The following WWP1 variants were observed in gnomAD, a reference collection of about 807,000 sequenced individuals.
The protein encoded by WWP1 is NEDD4-like E3 ubiquitin-protein ligase WWP1.
A neutral mutation model predicts 130.6 loss-of-function variants in WWP1; 49 were observed. That is an observed-to-expected ratio of 0.38 (90% CI 0.30 to 0.48). WWP1 has a LOEUF of 0.48. Ranked by LOEUF, WWP1 falls within the 20% of genes least tolerant of loss-of-function variation. The probability of loss-of-function intolerance (pLI) is 0.99; values close to 1 mark genes in which losing one functional copy is unlikely to be tolerated. For synonymous variants in WWP1, 332 were observed against 367.8 expected (o/e 0.90, Z 1.11); for missense variants, 809 against 1,100.6 (o/e 0.74, Z 3.75).
intron 3 of WWP1, 147 bp downstream of exon 3, chr8:86,374,267 C>G (rs1425521456): frequency 3.4e-6 from 2 of 584,738 alleles, no homozygotes; most frequent in Non-Finnish European, 5.8e-6. Context: ...GGTAGATGCC[C>G]TCCAAAACTA....
At chr8:86,383,433 C>T (rs527313800) in intron 5 of WWP1, among the ~76,000 whole-genome samples, 2 of 152,260 alleles carry the variant, frequency 1.3e-5, no homozygotes, top group Admixed American at 6.5e-5. Flanking sequence ...GAAGCCCTCA[C>T]GAATTGTATA....
Position 86,451,081 on chromosome 8 carries a change from T to A in WWP1, c.2274-1478T>A, listed in dbSNP as rs116193390. Among the ~76,000 whole-genome samples, 607 of 150,888 alleles carry A rather than the reference T, an allele frequency of 4.0e-3. 4 individuals carry two copies. The highest frequency in any genetic ancestry group is 0.01 in the Middle Eastern group (3 of 288). On this transcript the variant is annotated intron_variant, in intron 20 of 24. Transcript: ENST00000517970. ...AATAAATAAATAAATAAAATTTTTT[T>A]AAAAAATTAGCTGGGCATGGTGGTG... is the stretch of plus-strand genomic sequence containing the variant.
intron 8 of WWP1, among the ~76,000 whole-genome samples, chr8:86,404,302 A>G (rs1239579729): frequency 1.3e-5 from 2 of 152,202 alleles, no homozygotes; most frequent in African/African-American, 4.8e-5. Flanking sequence ...TCTTATTCCT[A>G]AAATATTCAG....
At chr8:86,344,863 A>G (rs1355359212) in intron 1 of WWP1, among the ~76,000 whole-genome samples, 1 of 152,228 alleles carries the variant, frequency 6.6e-6, no homozygotes, top group Non-Finnish European at 1.5e-5. Flanking sequence ...TAAAACTTGA[A>G]GTAAAAATTT....
chr8:86,345,215 TTTTGA>T (rs1822501416), intron 1 of WWP1, among the ~76,000 whole-genome samples: 1 of 152,178 alleles, frequency 6.6e-6, no homozygotes, highest in Non-Finnish European at 1.5e-5. Flanking sequence ...AGTGGTACCA[TTTTGA>T]GCAAGATCAT....
chr8:86,387,515 A>G (rs1169421097), intron 5 of WWP1, among the ~76,000 whole-genome samples: 1 of 151,266 alleles, frequency 6.6e-6, no homozygotes, highest in Non-Finnish European at 1.5e-5. Context: ...TTATTTTATC[A>G]TTATTATTTT....
intron 10 of WWP1, among the ~76,000 whole-genome samples, chr8:86,426,809 G>T (rs1324941894): frequency 2.0e-5 from 3 of 152,166 alleles, no homozygotes; most frequent in Non-Finnish European, 2.9e-5. Flanking sequence ...ATGGGCATTG[G>T]CTATAGAGCA....
intron 5 of WWP1, among the ~76,000 whole-genome samples, chr8:86,383,661 G>C (rs1405222359): frequency 1.3e-5 from 2 of 152,164 alleles, no homozygotes; most frequent in Middle Eastern, 3.2e-3. Context: ...AGAATTGCTT[G>C]AACTGGGAGA....
chr8:86,426,556 T>C (rs1809634915), intron 10 of WWP1, among the ~76,000 whole-genome samples: 1 of 152,086 alleles, frequency 6.6e-6, no homozygotes, highest in African/African-American at 2.4e-5. Context: ...GAAACAAAAT[T>C]CACTCATGAC....
At chr8:86,456,764 T>A (rs2130770045) in intron 21 of WWP1, among the ~76,000 whole-genome samples, 1 of 152,076 alleles carries the variant, frequency 6.6e-6, no homozygotes, top group East Asian at 1.9e-4. Context: ...TACTATTCAG[T>A]GATAGAAAAT....
chr8:86,420,949 C>A (rs1322868313), intron 9 of WWP1, among the ~76,000 whole-genome samples: 1 of 152,126 alleles, frequency 6.6e-6, no homozygotes, highest in Non-Finnish European at 1.5e-5. Flanking sequence ...GGAATTATTA[C>A]CTAAAAATAG....
intron 1 of WWP1, among the ~76,000 whole-genome samples, chr8:86,352,009 C>T (rs5024450): frequency 0.32 from 47,082 of 146,728 alleles, 8,979 homozygotes; most frequent in Middle Eastern, 0.45. Flanking sequence ...TGTCAGAGTT[C>T]ATTTTTCTAG....
chr8:86,389,048 T>G (rs1303227676), intron 5 of WWP1, among the ~76,000 whole-genome samples: 1 of 152,208 alleles, frequency 6.6e-6, no homozygotes, highest in Non-Finnish European at 1.5e-5. Flanking sequence ...TTAGAAACCC[T>G]TAAAATTGTA....
intron 24 of WWP1, among the ~76,000 whole-genome samples, chr8:86,465,250 T>C (rs1350209603): frequency 6.6e-6 from 1 of 152,028 alleles, no homozygotes; most frequent in Admixed American, 6.6e-5. Context: ...TCCCCACCCA[T>C]AGCAACTCGA....
chr8:86,345,570 C>T (rs765784930), intron 1 of WWP1, among the ~76,000 whole-genome samples: 1 of 151,988 alleles, frequency 6.6e-6, no homozygotes. Flanking sequence ...CCACCACACC[C>T]GGCTAATTTT....
At chr8:86,429,588 A>G (rs1470563364) in intron 11 of WWP1, among the ~76,000 whole-genome samples, 6 of 152,220 alleles carry the variant, frequency 3.9e-5, no homozygotes, top group South Asian at 2.1e-4. Context: ...GTTTTTATGT[A>G]TGTATGAAAA....
At chr8:86,342,966 T>A (rs1586211652) in intron 1 of WWP1, 36 bp downstream of exon 1, 2 of 118,024 alleles carry the variant, frequency 1.7e-5, no homozygotes, top group East Asian at 2.0e-4. Flanking sequence ...GGGGTGCGAA[T>A]GGGCAGGGCG....
At chr8:86,392,095 G>A (rs55871514) in intron 5 of WWP1, among the ~76,000 whole-genome samples, 22,017 of 152,192 alleles carry the variant, frequency 0.14, 1,771 homozygotes, top group Non-Finnish European at 0.19. Context: ...GCCTTGAACT[G>A]TTAGGAACTA....
chr8:86,416,577 CTTTTT>C (rs561660860), intron 9 of WWP1, among the ~76,000 whole-genome samples: 1 of 140,456 alleles, frequency 7.1e-6, no homozygotes, highest in Non-Finnish European at 1.6e-5. Context: ...TTCCACATTT[CTTTTT>C]TTTTTTTTAA....
Sources: allele counts gnomAD v4.1 joint callset (sites outside exome capture counted in the v4.1 genomes callset), GRCh38; gene constraint gnomAD v4.1.1; transcripts MANE v1.5; gene names NCBI Gene and HGNC (gene_info 2026-07-23, HGNC 2026-07-21).